PACSIN1: variants seen among roughly 807,000 people sequenced by gnomAD.
PACSIN1 encodes protein kinase C and casein kinase substrate in neurons 1.
In PACSIN1, 15 loss-of-function variants were observed where a neutral mutation model predicts 59.5. The observed-to-expected ratio is 0.25, with a 90% confidence interval of 0.17 to 0.39. PACSIN1 has a LOEUF of 0.39. Ranked by LOEUF, PACSIN1 falls within the 10% of genes least tolerant of loss-of-function variation. The pLI is 1.00. For synonymous variants in PACSIN1, 210 were observed against 220.6 expected (o/e 0.95, Z 0.42); for missense variants, 420 against 580.2 (o/e 0.72, Z 2.84).
At chr6:34,480,469 GCCCA>G (rs1766701446) in intron 1 of PACSIN1, among the ~76,000 whole-genome samples, 1 of 146,240 alleles carries the variant, frequency 6.8e-6, no homozygotes, top group African/African-American at 2.5e-5. Context: ...CAAGCAATCT[GCCCA>G]CCTCGGCCTC....
chr6:34,514,721 A>G lies in PACSIN1; in HGVS notation c.-63-11522A>G, dbSNP rs11758326. On this transcript the variant is annotated intron_variant, in intron 1 of 9. Transcript: ENST00000244458. This position sits in a 1 kb window ranked among gnomAD's most constrained non-coding sequence, Gnocchi z 4.4. The stretch of plus-strand genomic sequence containing the variant: ...ATGCGGCGCCGTGCGGGAGGCGGGC[A>G]TCCCCTGCTGTACATGGGAGGGAGG... Among the ~76,000 whole-genome samples the G allele has an allele frequency of 0.084, 12,803 of 152,186 alleles. 575 individuals are homozygous for G. Among genetic ancestry groups the G allele is most frequent in the Non-Finnish European group, 0.092 (6,234 of 67,994 alleles).
At position 34,529,590 on chromosome 6, in the gene PACSIN1, G is replaced by T; in HGVS notation, c.612+38G>T. The T allele has an allele frequency of 6.2e-7, 1 of 1,612,838 alleles. No homozygotes were observed. On this transcript the variant is annotated intron_variant, in intron 5 of 9. Transcript: ENST00000244458. This position sits in a 1 kb window ranked among gnomAD's most constrained non-coding sequence, Gnocchi z 6.3. ...AGGGATGGCAGTAGGGGGTCTGGGG[G>T]CCCCTTGCAGAGGGTGGTGGCTGGG...
At chr6:34,481,420 C>T (rs996253738) in intron 1 of PACSIN1, among the ~76,000 whole-genome samples, 9 of 152,128 alleles carry the variant, frequency 5.9e-5, no homozygotes, top group Non-Finnish European at 8.8e-5. Context: ...CGGTGGCTCA[C>T]GCCTGTAATC....
Position 34,528,630 on chromosome 6 carries a change from C to T in PACSIN1, c.221-12C>T. 6.2e-7 allele frequency: 1 copy of T among 1,606,830 alleles called. No individual in the cohort carries two copies. Among genetic ancestry groups the T allele is most frequent in the Non-Finnish European group, 8.5e-7 (1 of 1,173,882 alleles). On this transcript the variant is annotated splice_polypyrimidine_tract_variant and intron_variant, in intron 3 of 9. Transcript: ENST00000244458. Reference sequence around the variant, plus strand: ...GCAATGAGGTTCTTGTGACCTATTGCCATTCCCTCAGGCCCACAGTATGGC... The same window carrying T: ...GCAATGAGGTTCTTGTGACCTATTGTCATTCCCTCAGGCCCACAGTATGGC...
intron 1 of PACSIN1, among the ~76,000 whole-genome samples, chr6:34,467,041 C>A: frequency 6.6e-6 from 1 of 152,190 alleles, no homozygotes; most frequent in East Asian, 1.9e-4. Context: ...AGGTCTGCAC[C>A]ACATAGGCAG....
intron 2 of PACSIN1, 108 bp from the exon 3 acceptor site, chr6:34,527,224 A>T: frequency 6.4e-6 from 7 of 1,088,574 alleles, no homozygotes; most frequent in Non-Finnish European, 8.2e-6. Flanking sequence ...CGAGGCCGTA[A>T]GCGGGGAGGC....
At chr6:34,527,260 G>A (rs1767505242) in intron 2 of PACSIN1, 72 bp from the exon 3 acceptor site, 12 of 1,404,416 alleles carry the variant, frequency 8.5e-6, no homozygotes, top group South Asian at 1.5e-5. Context: ...GGGCGTGGCC[G>A]TGCTGGATGC....
intron 1 of PACSIN1, among the ~76,000 whole-genome samples, chr6:34,491,108 C>T (rs1007351564): frequency 2.6e-5 from 4 of 152,076 alleles, no homozygotes; most frequent in South Asian, 2.1e-4. Context: ...TTCTGTTTTA[C>T]GCTCCCCTCA....
rs896365221 is a variant in PACSIN1 at position 34,521,960 on chromosome 6, C to T, written c.-63-4283C>T. On this transcript the variant is annotated intron_variant, in intron 1 of 9. Coordinates refer to ENST00000244458, the MANE Select transcript of PACSIN1 (RefSeq NM_020804.5). The surrounding 1 kb of genome is among the most constrained non-coding windows in gnomAD (Gnocchi z 4.3). ...GAGTCTGGGATGTAATCCTACTCTGCGCTGCACAGGCCCCAGGGTCAAGTC... is the reference window on the plus strand; with the variant it reads ...GAGTCTGGGATGTAATCCTACTCTGTGCTGCACAGGCCCCAGGGTCAAGTC... Among the ~76,000 whole-genome samples the T allele has an allele frequency of 2.0e-5, 3 of 152,268 alleles. No homozygotes were observed. The East Asian group carries it at 5.8e-4, about 29-fold the overall frequency.
Position 34,519,593 on chromosome 6 carries a change from G to A in PACSIN1, c.-63-6650G>A, listed in dbSNP as rs1444825363. 2.6e-5 allele frequency among the ~76,000 whole-genome samples: 4 copies of A among 152,094 alleles called. No individual in the cohort carries two copies. The East Asian group carries it at 7.7e-4, about 29-fold the overall frequency. On this transcript the variant is annotated intron_variant, in intron 1 of 9. Coordinates refer to ENST00000244458, the MANE Select transcript of PACSIN1 (RefSeq NM_020804.5). ...GGAGCCAGGTGATCCAGAGAGATGA[G>A]GCTCCTGTCATGAAGGCTCTGTAGC... is the stretch of plus-strand genomic sequence containing the variant.
chr6:34,517,375 C>T (rs1257442611), intron 1 of PACSIN1, among the ~76,000 whole-genome samples: 1 of 152,104 alleles, frequency 6.6e-6, no homozygotes, highest in Non-Finnish European at 1.5e-5. Context: ...GCCACAGATC[C>T]TTTAAAACAG....
intron 1 of PACSIN1, among the ~76,000 whole-genome samples, chr6:34,524,093 T>C (rs1040692102): frequency 3.3e-5 from 5 of 152,332 alleles, no homozygotes; most frequent in African/African-American, 9.6e-5. Flanking sequence ...CTCCCTCATC[T>C]GGAAGCTGGA....
At chr6:34,467,021 A>G (rs553747429) in intron 1 of PACSIN1, among the ~76,000 whole-genome samples, 15 of 152,294 alleles carry the variant, frequency 9.8e-5, no homozygotes, top group Non-Finnish European at 1.3e-4. Flanking sequence ...GCCCCTACCC[A>G]CAACAGCCCA....
intron 1 of PACSIN1, among the ~76,000 whole-genome samples, chr6:34,522,523 A>G (rs1767411427): frequency 6.6e-6 from 1 of 152,194 alleles, no homozygotes; most frequent in Non-Finnish European, 1.5e-5. Flanking sequence ...CCCCAGAGAG[A>G]CAGAACCAAT....
At chr6:34,493,365 T>G (rs1766904607) in intron 1 of PACSIN1, among the ~76,000 whole-genome samples, 1 of 152,236 alleles carries the variant, frequency 6.6e-6, no homozygotes, top group Non-Finnish European at 1.5e-5. Flanking sequence ...ATATGGTTGC[T>G]GCAAGCATTC....
At chr6:34,504,290 ATTTTTTT>A (rs368149319) in intron 1 of PACSIN1, among the ~76,000 whole-genome samples, 952 of 93,978 alleles carry the variant, frequency 0.01, 14 homozygotes, top group African/African-American at 0.03. Context: ...ATATATATAT[ATTTTTTT>A]TTTTTTTTTT....
Position 34,470,336 on chromosome 6 carries a change from A to G in PACSIN1, c.-64+4066A>G, listed in dbSNP as rs143574036. Among the ~76,000 whole-genome samples the G allele has an allele frequency of 1.7e-3, 259 of 151,152 alleles. 10 individuals are homozygous for G. The East Asian group carries it at 0.048, about 28-fold the overall frequency. ...GCTGGGATTACAGGCGCCCACCACC[A>G]CGCCCGGCTAATTTTTGTATTTTTA... On this transcript the variant is annotated intron_variant, in intron 1 of 9. Transcript: ENST00000244458.
rs77757826 is a variant in PACSIN1 at position 34,504,151 on chromosome 6, A to G, written c.-63-22092A>G. On this transcript the variant is annotated intron_variant, in intron 1 of 9. Coordinates refer to ENST00000244458, the MANE Select transcript of PACSIN1 (RefSeq NM_020804.5). ...TACCAGTTCAAGTGAAGTGCAGAAA[A>G]CTTACTTCCCTTAAGTTTCTTTACC... Among the ~76,000 whole-genome samples, 1,045 of 151,810 alleles carry G rather than the reference A, an allele frequency of 6.9e-3. 12 individuals carry two copies. Among genetic ancestry groups the G allele is most frequent in the African/African-American group, 0.024 (989 of 41,364 alleles).
At chr6:34,473,651 T>G (rs190108087) in intron 1 of PACSIN1, among the ~76,000 whole-genome samples, 1 of 152,288 alleles carries the variant, frequency 6.6e-6, no homozygotes, top group East Asian at 1.9e-4. Flanking sequence ...TGACACTGAC[T>G]CACTGAGGGG....
Sources: gnomAD v4.1 joint callset for allele counts (sites outside exome capture counted in the v4.1 genomes callset) on GRCh38, gnomAD v4.1.1 for gene constraint, Gnocchi (gnomAD v3.1) non-coding constraint, MANE v1.5 for transcripts, NCBI Gene and HGNC (gene_info 2026-07-23, HGNC 2026-07-21) for gene names.